The following PLEKHA7 variants were observed in gnomAD, a reference collection of about 807,000 sequenced individuals.
PLEKHA7 encodes pleckstrin homology domain-containing family A member 7.
In PLEKHA7, 104 loss-of-function variants were observed where a neutral mutation model predicts 170.0. The ratio of observed to expected loss-of-function variants is 0.61; its 90% CI spans 0.52 to 0.72. The LOEUF (loss-of-function observed/expected upper bound fraction) is 0.72. Ranked by LOEUF, PLEKHA7 falls within the 30% of genes least tolerant of loss-of-function variation. The pLI is 0.00. For synonymous variants in PLEKHA7, 648 were observed against 660.8 expected (o/e 0.98, Z 0.30); for missense variants, 1,615 against 1,671.7 (o/e 0.97, Z 0.59).
At chr11:17,010,761 C>T (rs1434847932) in intron 3 of PLEKHA7, among the ~76,000 whole-genome samples, 1 of 152,152 alleles carries the variant, frequency 6.6e-6, no homozygotes, top group African/African-American at 2.4e-5. Context: ...ACTTTATGAG[C>T]CAGATTAGAG....
chr11:16,907,397 C>A (rs1857877615), intron 3 of PLEKHA7, among the ~76,000 whole-genome samples: 1 of 135,428 alleles, frequency 7.4e-6, no homozygotes. Context: ...GTGGGGTCAG[C>A]CCCCCGCCCG....
In PLEKHA7 at chr11:16,778,758, T is replaced by C. The variant is rs1848814133; in HGVS notation, c.*240A>G. ...GATTCCGATTCTAAAATACAGTGTA[T>C]TTTACAGTGTATATCAAAAGTGCCT... On this transcript the variant is annotated 3_prime_UTR_variant, in exon 27 of 27. Coordinates refer to ENST00000531066, the MANE Select transcript of PLEKHA7 (RefSeq NM_001329630.2). The C allele has an allele frequency of 1.7e-6, 1 of 587,370 alleles. No homozygotes were observed. The highest frequency in any genetic ancestry group is 4.5e-4 in the Middle Eastern group (1 of 2,210). 36.4% of individuals were successfully genotyped at this position (587,370 alleles called of 1,614,324 possible). A position where few individuals can be genotyped will look rare whatever the true frequency, so the allele number is the denominator to read the frequency against.
At chr11:16,948,262 T>C (rs1404555779) in intron 3 of PLEKHA7, among the ~76,000 whole-genome samples, 1 of 152,196 alleles carries the variant, frequency 6.6e-6, no homozygotes, top group Non-Finnish European at 1.5e-5. Context: ...TTGTACCTCA[T>C]GGTGAGTACA....
chr11:16,798,920 G>A (rs1422622989), intron 17 of PLEKHA7, among the ~76,000 whole-genome samples: 3 of 152,150 alleles, frequency 2.0e-5, no homozygotes, highest in Non-Finnish European at 2.9e-5. Context: ...AAGAGGAATG[G>A]CTAAATAAAG....
intron 4 of PLEKHA7, among the ~76,000 whole-genome samples, chr11:16,861,652 A>G (rs766885166): frequency 7.9e-5 from 12 of 152,292 alleles, no homozygotes; most frequent in Non-Finnish European, 1.8e-4. Flanking sequence ...GCTCTCATTC[A>G]TTAAATAAAT....
At chr11:16,782,584 C>T (rs774771165) in intron 26 of PLEKHA7, among the ~76,000 whole-genome samples, 170 bp downstream of exon 26, 7 of 152,238 alleles carry the variant, frequency 4.6e-5, no homozygotes, top group Non-Finnish European at 7.3e-5. Flanking sequence ...CCAAGTCCTG[C>T]TGTGCTCATG....
intron 3 of PLEKHA7, among the ~76,000 whole-genome samples, chr11:16,960,644 CA>C (rs1862001102): frequency 6.6e-6 from 1 of 151,734 alleles, no homozygotes; most frequent in Admixed American, 6.6e-5. Flanking sequence ...GACTGCAGGG[CA>C]AAGAGGAGAA....
intron 12 of PLEKHA7, 60 bp from the exon 13 acceptor site, chr11:16,813,226 G>A (rs559472195): frequency 1.9e-5 from 27 of 1,446,918 alleles, no homozygotes; most frequent in East Asian, 1.6e-4. Flanking sequence ...TCCATAACTC[G>A]AGGTTTCACA....
chr11:16,980,609 G>T (rs939200225), intron 3 of PLEKHA7, among the ~76,000 whole-genome samples: 2 of 152,086 alleles, frequency 1.3e-5, no homozygotes, highest in Admixed American at 1.3e-4. Flanking sequence ...GTTTGGTTTG[G>T]GGGGGATAGG....
chr11:16,992,965 C>T (rs1864133886), intron 3 of PLEKHA7, among the ~76,000 whole-genome samples: 1 of 152,102 alleles, frequency 6.6e-6, no homozygotes, highest in South Asian at 2.1e-4. Context: ...TCCCTCCAGG[C>T]CCTTAAGTGA....
chr11:16,873,236 G>T (rs11024065), intron 3 of PLEKHA7, among the ~76,000 whole-genome samples: 3 of 152,086 alleles, frequency 2.0e-5, no homozygotes, highest in Admixed American at 6.6e-5. Flanking sequence ...TAGCACAAAG[G>T]TTATAAAAGA....
chr11:16,922,831 AGAG>A lies in PLEKHA7; in HGVS notation c.222-51652_222-51650del, dbSNP rs551384875. On this transcript the variant is annotated intron_variant, in intron 3 of 26. Coordinates refer to ENST00000531066, the MANE Select transcript of PLEKHA7 (RefSeq NM_001329630.2). ...AGAAGACAAGCTAAGGAGCTGGTGC[AGAG>A]GAGAGACAGGCTGCCCCTTTCCCCT... Among the ~76,000 whole-genome samples the A allele has an allele frequency of 1.8e-4, 28 of 152,336 alleles. 1 individual carries two copies. In the South Asian group the frequency reaches 5.6e-3, roughly 30 times the overall value.
intron 8 of PLEKHA7, among the ~76,000 whole-genome samples, chr11:16,848,248 C>T (rs1310814503): frequency 6.6e-6 from 1 of 152,220 alleles, no homozygotes; most frequent in African/African-American, 2.4e-5. Flanking sequence ...CCTAAAAAAG[C>T]AAGGATTTTG....
chr11:16,987,733 T>C (rs1352892902), intron 3 of PLEKHA7, among the ~76,000 whole-genome samples: 1 of 152,182 alleles, frequency 6.6e-6, no homozygotes, highest in African/African-American at 2.4e-5. Flanking sequence ...AACTCAAATG[T>C]CACTTTCCCC....
At chr11:16,788,755 T>C (rs1045784550) in intron 23 of PLEKHA7, 1 of 379,932 alleles carries the variant, frequency 2.6e-6, no homozygotes, top group African/African-American at 2.0e-5. Flanking sequence ...ACCATCTTCC[T>C]CCTCTCCTCT....
At chr11:16,958,084 G>A (rs1045105747) in intron 3 of PLEKHA7, among the ~76,000 whole-genome samples, 2 of 152,128 alleles carry the variant, frequency 1.3e-5, no homozygotes, top group Non-Finnish European at 2.9e-5. Flanking sequence ...CGGAGGCCAA[G>A]GTGGGAGGAC....
At chr11:16,810,673 T>C (rs1275474123) in intron 13 of PLEKHA7, among the ~76,000 whole-genome samples, 2 of 152,168 alleles carry the variant, frequency 1.3e-5, no homozygotes, top group African/African-American at 4.8e-5. Context: ...AGCTCTTAGG[T>C]AGTAAAACAC....
chr11:16,855,751 C>T, intron 5 of PLEKHA7, 52 bp downstream of exon 5: 2 of 1,391,676 alleles, frequency 1.4e-6, no homozygotes, highest in East Asian at 2.3e-5. Flanking sequence ...TACAAAGGGG[C>T]TTGGCAAAAT....
rs139447191 is a variant in PLEKHA7 at position 16,963,809 on chromosome 11, C to T, written c.221+50180G>A. On this transcript the variant is annotated intron_variant, in intron 3 of 26. Coordinates refer to ENST00000531066, the MANE Select transcript of PLEKHA7 (RefSeq NM_001329630.2). Reference sequence around the variant, plus strand: ...GCATTTGGACAAAAGAATTAACTACCTGTTTCTCCAACCCTGCCCCCAGCC... The same window carrying T: ...GCATTTGGACAAAAGAATTAACTACTTGTTTCTCCAACCCTGCCCCCAGCC... Among the ~76,000 whole-genome samples, 1,243 of 152,298 alleles carry T rather than the reference C, an allele frequency of 8.2e-3. 21 individuals carry two copies. Among genetic ancestry groups the T allele is most frequent in the African/African-American group, 0.028 (1,176 of 41,544 alleles).
Sources: allele counts gnomAD v4.1 joint callset (sites outside exome capture counted in the v4.1 genomes callset), GRCh38; gene constraint gnomAD v4.1.1; transcripts MANE v1.5; gene names NCBI Gene and HGNC (gene_info 2026-07-23, HGNC 2026-07-21).